Variants in CCDC85C observed in about 807,000 individuals in gnomAD.
CCDC85C encodes coiled-coil domain-containing protein 85C.
In CCDC85C, 18 loss-of-function variants were observed where a neutral mutation model predicts 38.3. The observed-to-expected ratio is 0.47, with a 90% CI of 0.33 to 0.70. The LOEUF (loss-of-function observed/expected upper bound fraction) is 0.70, where lower values mean the gene tolerates loss of function less well. Among genes scored for constraint, CCDC85C ranks in the 30% least tolerant of loss-of-function variants. The probability of loss-of-function intolerance (pLI) is 0.03; values close to 1 mark genes in which losing one functional copy is unlikely to be tolerated. For missense variants in CCDC85C, 566 were observed against 621.2 expected (o/e 0.91, Z 0.94); for synonymous variants, 264 against 293.8 (o/e 0.90, Z 1.04).
intron 1 of CCDC85C, among the ~76,000 whole-genome samples, chr14:99,589,020 T>C (rs961115672): frequency 1.3e-5 from 2 of 151,422 alleles, no homozygotes; most frequent in Non-Finnish European, 2.9e-5. Flanking sequence ...AAGCAGATGT[T>C]TTCATGAAAA....
chr14:99,571,065 G>A (rs1253238564), intron 1 of CCDC85C, among the ~76,000 whole-genome samples: 1 of 152,008 alleles, frequency 6.6e-6, no homozygotes, highest in African/African-American at 2.4e-5. Context: ...GTGCCCAAGT[G>A]ACCCCACCTG....
chr14:99,578,866 G>A (rs531524205), intron 1 of CCDC85C, among the ~76,000 whole-genome samples: 2 of 152,310 alleles, frequency 1.3e-5, no homozygotes, highest in Admixed American at 6.5e-5. Context: ...AGGCGTGACC[G>A]TGCCGTGGAA....
chr14:99,509,605 C>T lies in CCDC85C; in HGVS notation c.*5641G>A, dbSNP rs1000597616. The T allele has an allele frequency of 5.6e-5, 9 of 161,126 alleles. No homozygotes were observed. The highest frequency in any genetic ancestry group is 1.1e-4 in the Non-Finnish European group (8 of 73,134). The allele number at this position is 161,126 out of a possible 1,614,324, so 10.0% of individuals were successfully genotyped here. ...AAGGAGGCTGCTATCTGAGAGCACA[C>T]AGTGGGGTTTGATGTAGCCTCTCTT... On this transcript the variant is annotated 3_prime_UTR_variant, in exon 6 of 6. Coordinates refer to ENST00000380243, the MANE Select transcript of CCDC85C (RefSeq NM_001144995.2).
chr14:99,503,849 C>T lies in CCDC85C; in HGVS notation c.*11397G>A, dbSNP rs957506614. ...TTGTGCTCTTACGAAGCTATCAGTA[C>T]AGAAAACATTACTGGCAATAAAAAT... is the stretch of plus-strand genomic sequence containing the variant. On this transcript the variant is annotated 3_prime_UTR_variant, in exon 6 of 6. Coordinates refer to ENST00000380243, the MANE Select transcript of CCDC85C (RefSeq NM_001144995.2). The T allele has an allele frequency of 2.5e-5, 14 of 570,456 alleles. No homozygotes were observed. In the Admixed American group the frequency reaches 3.6e-4, roughly 15 times the overall value. 35.3% of individuals were successfully genotyped at this position (570,456 alleles called of 1,614,324 possible). A position where few individuals can be genotyped will look rare whatever the true frequency, so the allele number is the denominator to read the frequency against.
intron 1 of CCDC85C, among the ~76,000 whole-genome samples, chr14:99,594,046 A>C: frequency 6.6e-6 from 1 of 151,814 alleles, no homozygotes; most frequent in African/African-American, 2.4e-5. Flanking sequence ...GGCGGGGAGT[A>C]ACTTATTTAA....
At position 99,507,264 on chromosome 14, in the gene CCDC85C, A is replaced by G; in HGVS notation, c.*7982T>C. On this transcript the variant is annotated 3_prime_UTR_variant, in exon 6 of 6. Transcript: ENST00000380243. Reference sequence around the variant, plus strand: ...GGGGCCCAGATTGACAATGTCAGCCACAGGCAGGAATCTTTGCAAAATTGT... The same window carrying G: ...GGGGCCCAGATTGACAATGTCAGCCGCAGGCAGGAATCTTTGCAAAATTGT... The G allele has an allele frequency of 1.3e-6, 1 of 758,168 alleles. No homozygotes were observed. Among genetic ancestry groups the G allele is most frequent in the Admixed American group, 1.8e-5 (1 of 55,204 alleles). The allele number at this position is 758,168 out of a possible 1,614,324, so 47.0% of individuals were successfully genotyped here.
rs1243083900 is a variant in CCDC85C, at chr14:99,545,625, C to T, written c.794-9537G>A. Among the ~76,000 whole-genome samples, 1 of 152,144 alleles carries T rather than the reference C, an allele frequency of 6.6e-6. No homozygotes were observed. Among genetic ancestry groups the T allele is most frequent in the Admixed American group, 6.5e-5 (1 of 15,278 alleles). ...CATCACACTCCCCTACCAACCCCAA[C>T]TTCACTGCTGAAGTTGGGAATCAGT... On this transcript the variant is annotated intron_variant, in intron 1 of 5. Coordinates refer to ENST00000380243, the MANE Select transcript of CCDC85C (RefSeq NM_001144995.2). This position sits in a 1 kb window ranked among gnomAD's most constrained non-coding sequence, Gnocchi z 4.7.
At chr14:99,547,730 C>T (rs758681087) in intron 1 of CCDC85C, among the ~76,000 whole-genome samples, 1 of 151,132 alleles carries the variant, frequency 6.6e-6, no homozygotes, top group Non-Finnish European at 1.5e-5. Context: ...GCCAAGATCG[C>T]GCCACTGCAC....
chr14:99,587,749 C>T (rs1436890134), intron 1 of CCDC85C, among the ~76,000 whole-genome samples: 1 of 152,158 alleles, frequency 6.6e-6, no homozygotes, highest in Non-Finnish European at 1.5e-5. Context: ...TACAGTCATG[C>T]GCCTGAGGAC....
chr14:99,603,770 G>A lies in CCDC85C; in HGVS notation c.190C>T (p.Leu64=). The A allele has an allele frequency of 3.9e-6, 6 of 1,525,998 alleles. No individual in the cohort carries two copies. The highest frequency in any genetic ancestry group is 2.0e-5 in the Admixed American group (1 of 50,086). The allele number at this position is 1,525,998 out of a possible 1,614,324, so 94.5% of individuals were successfully genotyped here. The change falls in exon 1 of 6, where the codon CTG becomes TTG. Residue 64 remains leucine (L), a synonymous_variant. Transcript: ENST00000380243. The surrounding 1 kb of genome is among the most constrained non-coding windows in gnomAD (Gnocchi z 7.5). The stretch of plus-strand genomic sequence containing the variant: ...TCCTTGAGGCCGCGGATCTCCAGCA[G>A]GTGCTGCTGCAGCCGCCGGTTCACG... ...RDVNRRLQQH[L]LEIRGLKDVN...
rs2092960 is a variant in CCDC85C at position 99,544,485 on chromosome 14, G to A, written c.794-8397C>T. Reference sequence around the variant, plus strand: ...ACTCATAAAAACAGGGCTAAAATTTGAAGGGTGTGTGTGTGTGTGTGTGTG... The same window carrying A: ...ACTCATAAAAACAGGGCTAAAATTTAAAGGGTGTGTGTGTGTGTGTGTGTG... On this transcript the variant is annotated intron_variant, in intron 1 of 5. Coordinates refer to ENST00000380243, the MANE Select transcript of CCDC85C (RefSeq NM_001144995.2). The surrounding 1 kb of genome is among the most constrained non-coding windows in gnomAD (Gnocchi z 5.3). Among the ~76,000 whole-genome samples the A allele has an allele frequency of 0.44, 66,104 of 150,072 alleles. 15,105 individuals are homozygous for A. The highest frequency in any genetic ancestry group is 0.57 in the South Asian group (2,689 of 4,746).
Position 99,572,907 on chromosome 14 carries a change from C to T in CCDC85C, c.793+30260G>A, listed in dbSNP as rs554385522. 37 of 442,858 alleles carry T rather than the reference C, an allele frequency of 8.4e-5. No individual in the cohort carries two copies. In the East Asian group the frequency reaches 1.2e-3, roughly 14 times the overall value. The allele number at this position is 442,858 out of a possible 1,614,324, so 27.4% of individuals were successfully genotyped here. A position where few individuals can be genotyped will look rare whatever the true frequency, so the allele number is the denominator to read the frequency against. On this transcript the variant is annotated intron_variant, in intron 1 of 5. Transcript: ENST00000380243. This position sits in a 1 kb window ranked among gnomAD's most constrained non-coding sequence, Gnocchi z 4.4. The stretch of plus-strand genomic sequence containing the variant: ...CAAGTCCCAGGCAGGGTGGGAGGCA[C>T]GGACCTGAGGCAGCGCCTTCTCTTA...
chr14:99,528,814 G>C (rs1427396426), intron 2 of CCDC85C, among the ~76,000 whole-genome samples: 1 of 151,812 alleles, frequency 6.6e-6, no homozygotes, highest in African/African-American at 2.4e-5. Flanking sequence ...TTGTAGGGGG[G>C]AACAACACAC....
intron 1 of CCDC85C, among the ~76,000 whole-genome samples, chr14:99,599,909 G>A (rs910067698): frequency 6.6e-6 from 1 of 152,166 alleles, no homozygotes; most frequent in Non-Finnish European, 1.5e-5. Context: ...AGCAGCCAAG[G>A]AGAAAAGCCT....
chr14:99,510,491 G>C lies in CCDC85C; in HGVS notation c.*4755C>G. ...ATGTCTACCCGCCCAACCCGCCCCCGCCACCTGTGCCTCCTCCCCCAGCCT... is the reference window on the plus strand; with the variant it reads ...ATGTCTACCCGCCCAACCCGCCCCCCCCACCTGTGCCTCCTCCCCCAGCCT... On this transcript the variant is annotated 3_prime_UTR_variant, in exon 6 of 6. Transcript: ENST00000380243. 1 of 522,464 alleles carries C rather than the reference G, an allele frequency of 1.9e-6. No individual in the cohort carries two copies. Among genetic ancestry groups the C allele is most frequent in the Non-Finnish European group, 2.6e-6 (1 of 381,280 alleles). The allele number at this position is 522,464 out of a possible 1,614,324, so 32.4% of individuals were successfully genotyped here.
intron 1 of CCDC85C, among the ~76,000 whole-genome samples, chr14:99,539,720 G>C (rs1003126198): frequency 6.6e-6 from 1 of 152,228 alleles, no homozygotes; most frequent in Non-Finnish European, 1.5e-5. Flanking sequence ...GTGAGTTCAG[G>C]AAGGAAGTCC....
chr14:99,509,958 G>T lies in CCDC85C; in HGVS notation c.*5288C>A. 1 of 614,156 alleles carries T rather than the reference G, an allele frequency of 1.6e-6. No homozygotes were observed. Among genetic ancestry groups the T allele is most frequent in the Middle Eastern group, 4.4e-4 (1 of 2,284 alleles). The allele number at this position is 614,156 out of a possible 1,614,324, so 38.0% of individuals were successfully genotyped here. On this transcript the variant is annotated 3_prime_UTR_variant, in exon 6 of 6. Transcript: ENST00000380243. The stretch of plus-strand genomic sequence containing the variant: ...AAAACCCCAGGTCGTCGCAGACAGG[G>T]TGGAGGGCCTTCTTGACAGATGGTG...
chr14:99,580,824 G>A (rs781612699), intron 1 of CCDC85C, among the ~76,000 whole-genome samples: 6 of 152,064 alleles, frequency 3.9e-5, no homozygotes, highest in East Asian at 1.9e-4. Context: ...AAGATCGCGC[G>A]ACTGCACTCT....
At chr14:99,556,851 G>A (rs375924775) in intron 1 of CCDC85C, among the ~76,000 whole-genome samples, 9 of 151,514 alleles carry the variant, frequency 5.9e-5, no homozygotes, top group African/African-American at 2.2e-4. Context: ...TAAGAAATGT[G>A]TACCAAGGTA....
Sources: gnomAD v4.1 joint callset for allele counts (sites outside exome capture counted in the v4.1 genomes callset) on GRCh38, gnomAD v4.1.1 for gene constraint, Gnocchi (gnomAD v3.1) non-coding constraint, MANE v1.5 for transcripts, NCBI Gene and HGNC (gene_info 2026-07-23, HGNC 2026-07-21) for gene names.